Variants in SPAG16 observed in about 807,000 individuals in gnomAD.
SPAG16 encodes the protein sperm associated antigen 16.
Under a neutral mutation model 80.4 loss-of-function variants are expected in SPAG16, and 86 were observed. That is an observed-to-expected ratio of 1.07 (90% confidence interval 0.90 to 1.28). The LOEUF (loss-of-function observed/expected upper bound fraction) is 1.28. SPAG16 is among the 50% of genes most tolerant of loss of function. SPAG16 has a pLI of 0.00. For missense variants in SPAG16, 870 were observed against 765.3 expected (o/e 1.14, Z -1.61); for synonymous variants, 294 against 265.9 (o/e 1.11, Z -1.03).
Position 213,878,070 on chromosome 2 carries a change from A to G in SPAG16, c.1214+15442A>G, listed in dbSNP as rs13382401. ...TAGTAGCTGATAGAATGGATTCAGAATACTTCTTCCTGTTCATCTTTATTT... is the reference window on the plus strand; with the variant it reads ...TAGTAGCTGATAGAATGGATTCAGAGTACTTCTTCCTGTTCATCTTTATTT... On this transcript the variant is annotated intron_variant, in intron 11 of 15. Coordinates refer to ENST00000331683, the MANE Select transcript of SPAG16 (RefSeq NM_024532.5). Among the ~76,000 whole-genome samples the G allele has an allele frequency of 4.3e-3, 662 of 152,258 alleles. 3 individuals carry two copies. The highest frequency in any genetic ancestry group is 0.01 in the Admixed American group (153 of 15,278).
rs551212130 is a variant in SPAG16, at chr2:213,790,913, G to T, written c.1071-71572G>T. ...TCTCACTTTAACTCATCATCCAGCT[G>T]CTGCCTGAGTATTTTGCTTTAATCT... On this transcript the variant is annotated intron_variant, in intron 10 of 15. Coordinates refer to ENST00000331683, the MANE Select transcript of SPAG16 (RefSeq NM_024532.5). Among the ~76,000 whole-genome samples the T allele has an allele frequency of 4.6e-5, 7 of 152,126 alleles. No homozygotes were observed. The East Asian group carries it at 1.4e-3, about 29-fold the overall frequency.
chr2:214,240,416 G>C (rs1387836455), intron 15 of SPAG16: 2 of 152,126 alleles, frequency 1.3e-5, no homozygotes, highest in Non-Finnish European at 2.9e-5. Flanking sequence ...GTGTTCATCA[G>C]GCTTTATCAT....
At chr2:213,965,471 G>A (rs1454740922) in intron 12 of SPAG16, among the ~76,000 whole-genome samples, 1 of 151,998 alleles carries the variant, frequency 6.6e-6, no homozygotes, top group Non-Finnish European at 1.5e-5. Context: ...AATACCTCAG[G>A]GCATAAGTTG....
intron 10 of SPAG16, among the ~76,000 whole-genome samples, chr2:213,656,911 G>T (rs1339694511): frequency 6.6e-6 from 1 of 152,174 alleles, no homozygotes; most frequent in African/African-American, 2.4e-5. Context: ...AAAGAAATAA[G>T]TGGCAGCTAC....
intron 13 of SPAG16, among the ~76,000 whole-genome samples, chr2:214,106,267 A>C (rs1310910364): frequency 6.6e-6 from 1 of 152,144 alleles, no homozygotes; most frequent in Non-Finnish European, 1.5e-5. Context: ...AATATAAAAA[A>C]CTATGACATC....
At chr2:213,642,635 A>C (rs2062635181) in intron 10 of SPAG16, among the ~76,000 whole-genome samples, 1 of 50,536 alleles carries the variant, frequency 2.0e-5, no homozygotes, top group Non-Finnish European at 4.0e-5. Flanking sequence ...CCCCGGCTAA[A>C]ATGGTGAAAC....
intron 12 of SPAG16, among the ~76,000 whole-genome samples, chr2:213,958,828 C>T (rs1229676008): frequency 1.3e-5 from 2 of 151,136 alleles, no homozygotes; most frequent in African/African-American, 4.8e-5. Context: ...TGTAATTGCC[C>T]ATATACTTAC....
intron 9 of SPAG16, among the ~76,000 whole-genome samples, chr2:213,408,179 TATAATTG>T (rs1458064898): frequency 2.0e-5 from 3 of 152,124 alleles, no homozygotes; most frequent in African/African-American, 7.2e-5. Context: ...ATTTAAAACC[TATAATTG>T]ATAATTGAAG....
At chr2:213,351,619 C>G (rs1204801506) in intron 7 of SPAG16, among the ~76,000 whole-genome samples, 2 of 152,052 alleles carry the variant, frequency 1.3e-5, no homozygotes, top group Non-Finnish European at 2.9e-5. Context: ...GCTTAACATT[C>G]TATTATTGTT....
At chr2:214,288,611 G>A (rs1172160617) in intron 15 of SPAG16, among the ~76,000 whole-genome samples, 1 of 151,634 alleles carries the variant, frequency 6.6e-6, no homozygotes, top group Non-Finnish European at 1.5e-5. Flanking sequence ...TGTCTTTTTA[G>A]TAAGAGCCAT....
chr2:213,755,066 C>A (rs982957362), intron 10 of SPAG16, among the ~76,000 whole-genome samples: 2 of 152,096 alleles, frequency 1.3e-5, no homozygotes, highest in African/African-American at 2.4e-5. Context: ...ATGATAACAA[C>A]AAACTCTTTG....
At chr2:213,824,616 AGTACCATGCT>A (rs1477094157) in intron 10 of SPAG16, among the ~76,000 whole-genome samples, 3 of 152,152 alleles carry the variant, frequency 2.0e-5, no homozygotes, top group African/African-American at 7.2e-5. Flanking sequence ...TTTTTATGCC[AGTACCATGCT>A]GTTTTGGTTA....
chr2:213,981,080 G>A (rs1035991439), intron 12 of SPAG16, among the ~76,000 whole-genome samples: 1 of 152,070 alleles, frequency 6.6e-6, no homozygotes, highest in Non-Finnish European at 1.5e-5. Context: ...GATGCCAGCT[G>A]ACTCACTTCT....
Position 214,302,952 on chromosome 2 carries a change from CTTTTG to C in SPAG16, c.1721-107183_1721-107179del, listed in dbSNP as rs558208558. The stretch of plus-strand genomic sequence containing the variant: ...ACATAAGAAAAGCTACTCCTGTTCA[CTTTTG>C]TTTTTCTTTTGTATGATACAGCTTT... On this transcript the variant is annotated intron_variant, in intron 15 of 15. Transcript: ENST00000331683. 2.1e-3 allele frequency among the ~76,000 whole-genome samples: 319 copies of C among 152,218 alleles called. 4 individuals carry two copies. The highest frequency in any genetic ancestry group is 7.3e-3 in the African/African-American group (303 of 41,538).
chr2:214,366,144 A>G (rs1699468329), intron 15 of SPAG16, among the ~76,000 whole-genome samples: 1 of 151,830 alleles, frequency 6.6e-6, no homozygotes, highest in East Asian at 1.9e-4. Flanking sequence ...ACTCCTAACT[A>G]ATTTTTGTAT....
At chr2:213,953,102 A>G (rs1165672034) in intron 12 of SPAG16, among the ~76,000 whole-genome samples, 1 of 152,046 alleles carries the variant, frequency 6.6e-6, no homozygotes, top group Non-Finnish European at 1.5e-5. Context: ...AGTAGTTCAA[A>G]AGAAGGACAC....
intron 15 of SPAG16, among the ~76,000 whole-genome samples, chr2:214,364,179 T>G (rs996051620): frequency 4.6e-5 from 7 of 152,224 alleles, no homozygotes; most frequent in Admixed American, 4.6e-4. Context: ...TTCTTCCTGC[T>G]CCTTTCCTCT....
chr2:214,047,798 G>T (rs193195136), intron 13 of SPAG16, among the ~76,000 whole-genome samples: 1 of 152,034 alleles, frequency 6.6e-6, no homozygotes, highest in Admixed American at 6.5e-5. Flanking sequence ...CATCTGATAA[G>T]GTATTAGTAA....
intron 13 of SPAG16, 73 bp downstream of exon 13, chr2:214,014,150 A>G: frequency 6.4e-7 from 1 of 1,561,714 alleles, no homozygotes; most frequent in Non-Finnish European, 8.7e-7. Context: ...TTGGGTATGG[A>G]ATATGACTTA....
Sources: allele counts gnomAD v4.1 joint callset (sites outside exome capture counted in the v4.1 genomes callset), GRCh38; gene constraint gnomAD v4.1.1; transcripts MANE v1.5; gene names NCBI Gene and HGNC (gene_info 2026-07-23, HGNC 2026-07-21).